STON2: variants seen among roughly 807,000 people sequenced by gnomAD.
STON2 encodes stonin-2.
A neutral mutation model predicts 65.7 loss-of-function variants in STON2; 29 were observed. The ratio of observed to expected loss-of-function variants is 0.44; its 90% CI spans 0.33 to 0.60. The LOEUF (loss-of-function observed/expected upper bound fraction) is 0.60. STON2 is among the 20% of genes least tolerant of loss of function. The pLI is 0.03. For synonymous variants in STON2, 404 were observed against 414.2 expected (o/e 0.98, Z 0.30); for missense variants, 1,054 against 1,118.1 (o/e 0.94, Z 0.82).
chr14:81,402,956 G>A (rs1038777658), upstream of STON2, among the ~76,000 whole-genome samples: 15 of 152,294 alleles, frequency 9.8e-5, no homozygotes, highest in Non-Finnish European at 8.8e-5. Flanking sequence ...TGAGAGCAGG[G>A]GTTGCATGCT....
intron 4 of STON2, among the ~76,000 whole-genome samples, chr14:81,347,093 A>T (rs1184817088): frequency 2.0e-5 from 3 of 152,014 alleles, no homozygotes; most frequent in Non-Finnish European, 4.4e-5. Flanking sequence ...GAACCAAAAC[A>T]AAACAAAATA....
At chr14:81,321,339 G>A (rs953908590) in intron 5 of STON2, among the ~76,000 whole-genome samples, 4 of 148,268 alleles carry the variant, frequency 2.7e-5, no homozygotes, top group African/African-American at 7.5e-5. Flanking sequence ...AAGACCAGCC[G>A]AGGCAACAAA....
chr14:81,358,067 A>G (rs1049849874), intron 4 of STON2, among the ~76,000 whole-genome samples: 1 of 152,134 alleles, frequency 6.6e-6, no homozygotes, highest in South Asian at 2.1e-4. Context: ...AAAAAAAAAG[A>G]AAGCACAAAA....
rs750205227 is a variant in STON2, at chr14:81,270,579, T to C, written c.2784+91A>G. ...GCAGTAAGAGGTTACCAGGCGAACA[T>C]AGTAAGCATGGCTAAAAGGAATAAG... On this transcript the variant is annotated intron_variant, in intron 7 of 7. Coordinates refer to ENST00000614646, the MANE Select transcript of STON2 (RefSeq NM_001394390.1). 5.5e-5 allele frequency: 89 copies of C among 1,609,794 alleles called. No individual in the cohort carries two copies. Among genetic ancestry groups the C allele is most frequent in the South Asian group, 2.0e-4 (18 of 90,744 alleles).
rs1192743335 is a variant in STON2 at position 81,264,054 on chromosome 14, G to A, written c.*4360C>T. ...AGACTGGTTGTGCACTCTATCAAATGCTTTCTTTTCCTACTGACCATTGAA... is the reference window on the plus strand; with the variant it reads ...AGACTGGTTGTGCACTCTATCAAATACTTTCTTTTCCTACTGACCATTGAA... On this transcript the variant is annotated 3_prime_UTR_variant, in exon 8 of 8. Coordinates refer to ENST00000614646, the MANE Select transcript of STON2 (RefSeq NM_001394390.1). The A allele has an allele frequency of 2.0e-6, 2 of 985,306 alleles. No individual in the cohort carries two copies. Among genetic ancestry groups the A allele is most frequent in the Non-Finnish European group, 2.4e-6 (2 of 829,952 alleles). 61.0% of individuals were successfully genotyped at this position (985,306 alleles called of 1,614,324 possible).
rs763836826 is a variant in STON2, at chr14:81,371,020, G to A, written c.539C>T (p.Thr180Met). 40 of 1,612,960 alleles carry A rather than the reference G, an allele frequency of 2.5e-5. No homozygotes were observed. The highest frequency in any genetic ancestry group is 7.7e-5 in the South Asian group (7 of 91,026). ...DLQLINAEEQ[T>M]SGQASGADST... Reference sequence around the variant, plus strand: ...GTCAGCCCCAGAAGCCTGGCCACTCGTCTGCTCCTCAGCATTGATGAGCTG... The same window carrying A: ...GTCAGCCCCAGAAGCCTGGCCACTCATCTGCTCCTCAGCATTGATGAGCTG... The change falls in exon 4 of 8, where the codon ACG becomes ATG. Residue 180 changes from threonine to methionine, a missense_variant. Physicochemically the swap from Thr to Met is moderately conservative, Grantham distance 81. Coordinates refer to ENST00000614646, the MANE Select transcript of STON2 (RefSeq NM_001394390.1).
intron 5 of STON2, among the ~76,000 whole-genome samples, chr14:81,299,899 A>T (rs922536553): frequency 1.1e-4 from 14 of 127,556 alleles, no homozygotes; most frequent in Admixed American, 3.8e-4. Flanking sequence ...TTTTTTTTTT[A>T]AATTGATCTA....
intron 5 of STON2, among the ~76,000 whole-genome samples, chr14:81,292,811 A>C (rs939156460): frequency 1.3e-5 from 2 of 152,228 alleles, no homozygotes; most frequent in Non-Finnish European, 2.9e-5. Context: ...TTCAAGTAAC[A>C]GGCTGAGATT....
intron 4 of STON2, among the ~76,000 whole-genome samples, chr14:81,330,683 C>A (rs147680639): frequency 9.2e-5 from 14 of 152,252 alleles, no homozygotes; most frequent in Non-Finnish European, 1.5e-4. Flanking sequence ...CTGTCAGGAG[C>A]ACATGATTTA....
intron 4 of STON2, among the ~76,000 whole-genome samples, chr14:81,361,793 T>C (rs1898504229): frequency 2.0e-5 from 3 of 151,944 alleles, no homozygotes; most frequent in Non-Finnish European, 1.5e-5. Context: ...AACAACTCTA[T>C]AGAAAGAAAA....
intron 3 of STON2, among the ~76,000 whole-genome samples, 190 bp from the exon 4 acceptor site, chr14:81,371,375 G>A (rs1006518649): frequency 1.3e-5 from 2 of 152,142 alleles, no homozygotes; most frequent in Admixed American, 1.3e-4. Flanking sequence ...AGACCCCATG[G>A]TGAGTCAGTA....
chr14:81,270,573 C>A (rs80262705), intron 7 of STON2, 97 bp downstream of exon 7: 8 of 1,606,278 alleles, frequency 5.0e-6, no homozygotes, highest in East Asian at 4.5e-5. Context: ...GGTTACCAGG[C>A]GAACATAGTA....
chr14:81,348,993 G>C (rs1897922378), intron 4 of STON2, among the ~76,000 whole-genome samples: 2 of 152,212 alleles, frequency 1.3e-5, no homozygotes, highest in Admixed American at 1.3e-4. Flanking sequence ...ATTGGGGAAA[G>C]GACACCTTCT....
chr14:81,436,428 T>C (rs1341275286), exon 1 of STON2: 1 of 151,402 alleles, frequency 6.6e-6, no homozygotes, highest in Non-Finnish European at 1.5e-5. Flanking sequence ...CTCGCCACGA[T>C]CCCTCCCGGC....
At chr14:81,403,912 C>A (rs1175835668), upstream of STON2, among the ~76,000 whole-genome samples, 1 of 152,158 alleles carries the variant, frequency 6.6e-6, no homozygotes, top group East Asian at 1.9e-4. Context: ...ACTATCTTAA[C>A]TTACACTCAT....
At chr14:81,417,561 T>C (rs1347476975) in intron 2 of STON2, among the ~76,000 whole-genome samples, 1 of 152,132 alleles carries the variant, frequency 6.6e-6, no homozygotes, top group Non-Finnish European at 1.5e-5. Context: ...ATACATACCC[T>C]AAGGAAACTA....
chr14:81,267,191 AAAG>A lies in STON2; in HGVS notation c.*1220_*1222del, dbSNP rs1345819717. ...GAGGTGAGTAGGAACGGATGAAGGA[AAAG>A]AAGATTAATTGTCCCAGAAACAGAT... On this transcript the variant is annotated 3_prime_UTR_variant, in exon 8 of 8. Transcript: ENST00000614646. 12 of 985,306 alleles carry A rather than the reference AAAG, an allele frequency of 1.2e-5. No homozygotes were observed. The highest frequency in any genetic ancestry group is 9.4e-5 in the South Asian group (2 of 21,286). The allele number at this position is 985,306 out of a possible 1,614,324, so 61.0% of individuals were successfully genotyped here. A position where few individuals can be genotyped will look rare whatever the true frequency, so the allele number is the denominator to read the frequency against.
At chr14:81,420,737 G>A (rs1901664226) in intron 2 of STON2, among the ~76,000 whole-genome samples, 1 of 152,198 alleles carries the variant, frequency 6.6e-6, no homozygotes, top group African/African-American at 2.4e-5. Context: ...TTCCAAGCTG[G>A]CAGGATGGTA....
chr14:81,300,155 T>C (rs1324860835), intron 5 of STON2, among the ~76,000 whole-genome samples: 1 of 152,024 alleles, frequency 6.6e-6, no homozygotes, highest in African/African-American at 2.4e-5. Context: ...GCATGTAAAG[T>C]CACTTGAGTT....
Sources: allele counts gnomAD v4.1 joint callset (sites outside exome capture counted in the v4.1 genomes callset), GRCh38; gene constraint gnomAD v4.1.1; transcripts MANE v1.5; gene names NCBI Gene and HGNC (gene_info 2026-07-23, HGNC 2026-07-21).